The following PTPRD variants were observed in gnomAD, a reference collection of about 807,000 sequenced individuals.
PTPRD encodes receptor-type tyrosine-protein phosphatase delta.
PTPRD carries 34 observed loss-of-function variants against 214.5 expected under a neutral mutation model. That is an observed-to-expected ratio of 0.16 (90% CI 0.12 to 0.21). The LOEUF is 0.21. Ranked by LOEUF, PTPRD falls within the 10% of genes least tolerant of loss-of-function variation. PTPRD has a pLI of 1.00. For synonymous variants in PTPRD, 1,128 were observed against 845.7 expected, an observed-to-expected ratio of 1.33 and a Z score of -5.79; for missense variants, 2,545 against 2,398.7, an observed-to-expected ratio of 1.06 and a Z score of -1.27.
chr9:8,726,350 A>C (rs1433611620), intron 12 of PTPRD, among the ~76,000 whole-genome samples: 1 of 151,512 alleles, frequency 6.6e-6, no homozygotes, highest in Non-Finnish European at 1.5e-5. Flanking sequence ...GCACTTTGGG[A>C]AGCCAAGGCT....
intron 2 of PTPRD, among the ~76,000 whole-genome samples, chr9:10,567,084 C>T (rs574753533): frequency 2.0e-5 from 3 of 152,188 alleles, no homozygotes; most frequent in South Asian, 4.1e-4. Flanking sequence ...TTGCTTTTCT[C>T]TCTCCTAGTA....
chr9:8,402,748 G>A (rs866838493), intron 36 of PTPRD, among the ~76,000 whole-genome samples: 90 of 151,666 alleles, frequency 5.9e-4, no homozygotes, highest in African/African-American at 2.1e-3. Flanking sequence ...TAAATGTAAG[G>A]TAATCATCCA....
At chr9:10,525,935 G>C (rs1356200980) in intron 2 of PTPRD, among the ~76,000 whole-genome samples, 2 of 152,014 alleles carry the variant, frequency 1.3e-5, no homozygotes, top group African/African-American at 4.8e-5. Flanking sequence ...CCAAGACATA[G>C]TTACTAACCT....
chr9:9,823,949 TTA>T (rs1229837434), intron 5 of PTPRD, among the ~76,000 whole-genome samples: 2 of 152,084 alleles, frequency 1.3e-5, no homozygotes, highest in Admixed American at 1.3e-4. Context: ...ATTACACATT[TTA>T]TGTTTGTATC....
At chr9:9,194,790 C>T (rs1343955826) in intron 9 of PTPRD, among the ~76,000 whole-genome samples, 2 of 151,992 alleles carry the variant, frequency 1.3e-5, no homozygotes, top group Non-Finnish European at 1.5e-5. Flanking sequence ...ATATTGTAAA[C>T]ATTTTGCTTA....
intron 2 of PTPRD, among the ~76,000 whole-genome samples, chr9:10,354,932 T>G (rs2097249680): frequency 6.6e-6 from 1 of 152,210 alleles, no homozygotes; most frequent in Non-Finnish European, 1.5e-5. Context: ...CCATTGTCCT[T>G]GATGAAAATA....
At chr9:9,616,085 G>C (rs948820122) in intron 7 of PTPRD, among the ~76,000 whole-genome samples, 4 of 152,134 alleles carry the variant, frequency 2.6e-5, no homozygotes, top group Non-Finnish European at 4.4e-5. Flanking sequence ...TTTACCTTCT[G>C]AGCTTTCCTG....
At chr9:10,511,268 T>G (rs953315928) in intron 2 of PTPRD, among the ~76,000 whole-genome samples, 2 of 152,312 alleles carry the variant, frequency 1.3e-5, no homozygotes, top group East Asian at 3.9e-4. Context: ...TTTCTAATTC[T>G]CTCAGATAAA....
At chr9:8,387,613 C>G (rs2087622621) in intron 37 of PTPRD, among the ~76,000 whole-genome samples, 2 of 152,170 alleles carry the variant, frequency 1.3e-5, no homozygotes, top group South Asian at 4.2e-4. Flanking sequence ...ACAGAAGTGT[C>G]AACAGGCAGT....
chr9:9,733,280 T>C (rs1359077231), intron 7 of PTPRD, among the ~76,000 whole-genome samples: 1 of 152,178 alleles, frequency 6.6e-6, no homozygotes. Context: ...CAGTGGTTCA[T>C]GGTGCACTGA....
intron 12 of PTPRD, among the ~76,000 whole-genome samples, chr9:8,733,139 G>A (rs544232851): frequency 2.0e-5 from 3 of 152,294 alleles, no homozygotes; most frequent in South Asian, 4.1e-4. Context: ...TAATTGTCAA[G>A]TTAATGGACC....
intron 2 of PTPRD, among the ~76,000 whole-genome samples, chr9:10,480,467 T>C (rs766010150): frequency 2.6e-5 from 4 of 152,136 alleles, no homozygotes; most frequent in Admixed American, 2.0e-4. Flanking sequence ...ACAAACGCTA[T>C]TTTGGTGGCA....
In PTPRD at chr9:9,653,348, C is replaced by CAAAAAAAAAAAAA. The variant is rs1175875551; in HGVS notation, c.-286-78580_-286-78568dup. Among the ~76,000 whole-genome samples the CAAAAAAAAAAAAA allele has an allele frequency of 1.2e-4, 4 of 32,506 alleles. 1 individual carries two copies. The highest frequency in any genetic ancestry group is 2.2e-4 in the Non-Finnish European group (4 of 17,966). The allele number at this position is 32,506 out of a possible 152,430, so 21.3% of individuals were successfully genotyped here. A position where few individuals can be genotyped will look rare whatever the true frequency, so the allele number is the denominator to read the frequency against. The stretch of plus-strand genomic sequence containing the variant: ...TGGGCGACAGAGCGAGACTCCGTCT[C>CAAAAAAAAAAAAA]AAAAAAAAAAAAAAAAAAAAAAAAA... On this transcript the variant is annotated intron_variant, in intron 7 of 45. Coordinates refer to ENST00000381196, the MANE Select transcript of PTPRD (RefSeq NM_002839.4).
At chr9:10,498,431 T>C (rs2042742618) in intron 2 of PTPRD, among the ~76,000 whole-genome samples, 1 of 152,132 alleles carries the variant, frequency 6.6e-6, no homozygotes. Context: ...AATTATCCTA[T>C]CATTTGCTTC....
chr9:10,313,627 C>G (rs1410450074), intron 3 of PTPRD, among the ~76,000 whole-genome samples: 1 of 151,902 alleles, frequency 6.6e-6, no homozygotes, highest in Non-Finnish European at 1.5e-5. Flanking sequence ...AGGTTGGAAT[C>G]TGGCATAAAC....
At chr9:10,306,872 C>T (rs923347898) in intron 3 of PTPRD, among the ~76,000 whole-genome samples, 1 of 152,132 alleles carries the variant, frequency 6.6e-6, no homozygotes, top group East Asian at 1.9e-4. Flanking sequence ...TCATTTTTCT[C>T]TTATCAAACT....
intron 8 of PTPRD, among the ~76,000 whole-genome samples, chr9:9,568,534 T>A (rs2085314649): frequency 6.6e-6 from 1 of 151,880 alleles, no homozygotes; most frequent in Non-Finnish European, 1.5e-5. Flanking sequence ...GCCCAACTAG[T>A]GAACAGTTTT....
At chr9:9,252,312 A>C (rs2099975814) in intron 9 of PTPRD, among the ~76,000 whole-genome samples, 1 of 152,166 alleles carries the variant, frequency 6.6e-6, no homozygotes, top group East Asian at 1.9e-4. Flanking sequence ...GGAAGAGAAG[A>C]ACGAGTTAAT....
chr9:8,495,249 C>G (rs980324044), intron 26 of PTPRD, among the ~76,000 whole-genome samples: 1 of 152,142 alleles, frequency 6.6e-6, no homozygotes, highest in Non-Finnish European at 1.5e-5. Flanking sequence ...CCCCTCCTTA[C>G]TTCCATATTT....
Sources: gnomAD v4.1 joint callset for allele counts (sites outside exome capture counted in the v4.1 genomes callset) on GRCh38, gnomAD v4.1.1 for gene constraint, MANE v1.5 for transcripts, NCBI Gene and HGNC (gene_info 2026-07-23, HGNC 2026-07-21) for gene names.